The following GIT1 variants were observed in gnomAD, a reference collection of about 807,000 sequenced individuals.
The protein encoded by GIT1 is GIT ArfGAP 1.
In GIT1, 14 loss-of-function variants were observed where a neutral mutation model predicts 91.7. The ratio of observed to expected loss-of-function variants is 0.15; its 90% CI spans 0.10 to 0.24. The LOEUF (loss-of-function observed/expected upper bound fraction) is 0.24, where lower values mean the gene tolerates loss of function less well. Among genes scored for constraint, GIT1 ranks in the 10% least tolerant of loss-of-function variants. The pLI is 1.00. For synonymous variants in GIT1, 414 were observed against 418.2 expected (o/e 0.99, Z 0.12); for missense variants, 717 against 1,024.9 (o/e 0.70, Z 4.10).
chr17:29,586,324 T>G (rs2033593542), intron 1 of GIT1, among the ~76,000 whole-genome samples: 1 of 152,234 alleles, frequency 6.6e-6, no homozygotes. Context: ...TATTTTTATT[T>G]TTGCTTGTTT....
intron 9 of GIT1, 33 bp from the exon 10 acceptor site, chr17:29,577,775 G>T: frequency 1.5e-6 from 2 of 1,352,576 alleles, no homozygotes; most frequent in Non-Finnish European, 2.1e-6. Flanking sequence ...GATCAGCCAC[G>T]GTGGCCAGGC....
At position 29,583,034 on chromosome 17, in the gene GIT1, C is replaced by T; in HGVS notation, c.190G>A (p.Val64Met). Reference sequence around the variant, plus strand: ...GCCCCGTTGCTGGCAAGCGTGTGCACCATCTGCAGGGAAGAGATGCCAAGT... The same window carrying T: ...GCCCCGTTGCTGGCAAGCGTGTGCATCATCTGCAGGGAAGAGATGCCAAGT... ...SAWPPTLLQMVHTLASNGANS... is the reference protein window; with the variant it reads ...SAWPPTLLQMMHTLASNGANS... The change falls in exon 3 of 20, where the codon GTG becomes ATG. Residue 64 changes from valine to methionine, a missense_variant. By Grantham distance (21) the Val-to-Met change is conservative (BLOSUM62 1). Around this residue, in one of 3 missense-constraint regions of GIT1, gnomAD observed 271 missense variants for 451.6 expected, o/e 0.60. Coordinates refer to ENST00000225394, the MANE Select transcript of GIT1 (RefSeq NM_014030.4). The T allele has an allele frequency of 1.9e-6, 3 of 1,598,566 alleles. No homozygotes were observed. Among genetic ancestry groups the T allele is most frequent in the East Asian group, 2.2e-5 (1 of 44,820 alleles).
In GIT1 at chr17:29,575,229, G is replaced by T; in HGVS notation, c.2009+59C>A. 2 of 1,566,560 alleles carry T rather than the reference G, an allele frequency of 1.3e-6. No individual in the cohort carries two copies. The highest frequency in any genetic ancestry group is 1.7e-6 in the Non-Finnish European group (2 of 1,148,334). Reference sequence around the variant, plus strand: ...GAACCCAGGGCCCCTCATGCTCTCTGCAACACCCTAGAAGCCAACAGGAAC... The same window carrying T: ...GAACCCAGGGCCCCTCATGCTCTCTTCAACACCCTAGAAGCCAACAGGAAC... On this transcript the variant is annotated intron_variant, in intron 18 of 19. Transcript: ENST00000225394. This position sits in a 1 kb window ranked among gnomAD's most constrained non-coding sequence, Gnocchi z 5.5.
chr17:29,588,840 C>A (rs2033693789), intron 1 of GIT1, among the ~76,000 whole-genome samples: 1 of 152,224 alleles, frequency 6.6e-6, no homozygotes, highest in Non-Finnish European at 1.5e-5. Flanking sequence ...GCCCCACTGG[C>A]GCATCTGCCC....
chr17:29,576,537 C>G lies in GIT1; in HGVS notation c.1365G>C (p.Arg455=), dbSNP rs145208703. The change falls in exon 13 of 20, where the codon CGG becomes CGC. Residue 455 remains arginine (R), a synonymous_variant. Coordinates refer to ENST00000225394, the MANE Select transcript of GIT1 (RefSeq NM_014030.4). ...KVNSSLSDEL[R]RLQREIHKLQ... Reference sequence around the variant, plus strand: ...GCACCCTCACCTCTCGCTGCAGCCTCCGGAGCTCGTCGCTCAGGCTACTGT... The same window carrying G: ...GCACCCTCACCTCTCGCTGCAGCCTGCGGAGCTCGTCGCTCAGGCTACTGT... 1.5e-5 allele frequency: 24 copies of G among 1,613,840 alleles called. No homozygotes were observed. Among genetic ancestry groups the G allele is most frequent in the Non-Finnish European group, 1.9e-5 (23 of 1,180,026 alleles).
Position 29,581,468 on chromosome 17 carries a change from G to A in GIT1, c.719-88C>T. ...CCACCTCACTGCCATGAGCAGGGCTGGCACCCAGAAGTGTCAGGGGAAAGT... is the reference window on the plus strand; with the variant it reads ...CCACCTCACTGCCATGAGCAGGGCTAGCACCCAGAAGTGTCAGGGGAAAGT... On this transcript the variant is annotated intron_variant, in intron 6 of 19. Transcript: ENST00000225394. The surrounding 1 kb of genome is among the most constrained non-coding windows in gnomAD (Gnocchi z 4.8). 9.4e-7 allele frequency: 1 copy of A among 1,065,272 alleles called. No homozygotes were observed. Among genetic ancestry groups the A allele is most frequent in the South Asian group, 1.3e-5 (1 of 79,222 alleles). 66.0% of individuals were successfully genotyped at this position (1,065,272 alleles called of 1,614,324 possible).
In GIT1 at chr17:29,575,336, T is replaced by C. The variant is rs750419618; in HGVS notation, c.1961A>G (p.Lys654Arg). Residue 654 changes from lysine to arginine, a missense_variant, in exon 18 of 20, where the codon AAG becomes AGG. Lys to Arg is a conservative substitution (Grantham distance 26, BLOSUM62 2). Transcript: ENST00000225394. The surrounding 1 kb of genome is among the most constrained non-coding windows in gnomAD (Gnocchi z 5.5). ...TGCCCGCAACAGTTCCTGAATGTTC[T>C]TGGTGACCTGCTCTGTCTTCAAGAT... is the stretch of plus-strand genomic sequence containing the variant. The part of the protein sequence containing the change: ...DVILKTEQVT[K>R]NIQELLRAAQ... The C allele has an allele frequency of 1.2e-6, 2 of 1,613,688 alleles. No homozygotes were observed. The highest frequency in any genetic ancestry group is 2.2e-5 in the South Asian group (2 of 91,080).
rs2033382358 is a variant in GIT1 at position 29,581,198 on chromosome 17, G to A, written c.761+140C>T. 3 of 699,900 alleles carry A rather than the reference G, an allele frequency of 4.3e-6. No homozygotes were observed. Among genetic ancestry groups the A allele is most frequent in the South Asian group, 3.0e-5 (2 of 65,908 alleles). 43.4% of individuals were successfully genotyped at this position (699,900 alleles called of 1,614,324 possible). A position where few individuals can be genotyped will look rare whatever the true frequency, so the allele number is the denominator to read the frequency against. ...GCCTTGGGGCCCAGCATTAGGGACT[G>A]AGGACTAAGCTGTGCCTCTAGTCTC... On this transcript the variant is annotated intron_variant, in intron 7 of 19. Coordinates refer to ENST00000225394, the MANE Select transcript of GIT1 (RefSeq NM_014030.4). The surrounding 1 kb of genome is among the most constrained non-coding windows in gnomAD (Gnocchi z 4.8).
At chr17:29,580,761 C>G (rs1024970571) in intron 7 of GIT1, among the ~76,000 whole-genome samples, 1 of 151,634 alleles carries the variant, frequency 6.6e-6, no homozygotes, top group African/African-American at 2.4e-5. Flanking sequence ...CCGGAGGTAG[C>G]TTCTGTTTCT....
chr17:29,585,768 G>T (rs754331292), intron 1 of GIT1, among the ~76,000 whole-genome samples: 1 of 152,152 alleles, frequency 6.6e-6, no homozygotes, highest in Non-Finnish European at 1.5e-5. Context: ...GGATCCTTGC[G>T]TCAAGAAGCT....
chr17:29,577,066 G>A, intron 11 of GIT1, 70 bp from the exon 12 acceptor site: 1 of 1,606,224 alleles, frequency 6.2e-7, no homozygotes, highest in Non-Finnish European at 8.5e-7. Context: ...ACCACTGGCA[G>A]GGAGAGCCAT....
In GIT1 at chr17:29,576,973, T is replaced by C; in HGVS notation, c.1117A>G (p.Ser373Gly). 6.2e-7 allele frequency: 1 copy of C among 1,602,588 alleles called. No homozygotes were observed. Among genetic ancestry groups the C allele is most frequent in the Non-Finnish European group, 8.5e-7 (1 of 1,179,388 alleles). ...PTDNLELSLR[S>G]QSDLDDQHDY... ...TGTTGGTCGTCGAGGTCACTCTGGC[T>C]CCGCAGAGACAGCTCGAGGTTGTCT... is the stretch of plus-strand genomic sequence containing the variant. The change falls in exon 12 of 20, where the codon AGC (serine) becomes GGC (glycine). Residue 373 changes from serine (S) to glycine (G), a missense_variant. Ser to Gly is a moderately conservative substitution (Grantham distance 56). Transcript: ENST00000225394.
Position 29,575,932 on chromosome 17 carries a change from G to GTGCCCCAC in GIT1, c.1666-42_1666-35dup. On this transcript the variant is annotated intron_variant, in intron 15 of 19. Coordinates refer to ENST00000225394, the MANE Select transcript of GIT1 (RefSeq NM_014030.4). The surrounding 1 kb of genome is among the most constrained non-coding windows in gnomAD (Gnocchi z 5.5). ...CAGGGCAGCGCTGGATGGAGTCAGT[G>GTGCCCCAC]TGCCCCACTGCCCCCCTGCTCACCA... The GTGCCCCAC allele has an allele frequency of 1.3e-6, 2 of 1,563,610 alleles. No individual in the cohort carries two copies. Among genetic ancestry groups the GTGCCCCAC allele is most frequent in the Non-Finnish European group, 1.8e-6 (2 of 1,140,272 alleles).
At position 29,575,281 on chromosome 17, in the gene GIT1, T is replaced by A; in HGVS notation, c.2009+7A>T. On this transcript the variant is annotated splice_region_variant and intron_variant, in intron 18 of 19. Transcript: ENST00000225394. This position sits in a 1 kb window ranked among gnomAD's most constrained non-coding sequence, Gnocchi z 5.5. ...GCATCCCCCTCACCTCCCCCTCCAC[T>A]CAGTACCTGTCATGCTTGAACTCCT... 6.2e-7 allele frequency: 1 copy of A among 1,607,362 alleles called. No homozygotes were observed. The highest frequency in any genetic ancestry group is 8.5e-7 in the Non-Finnish European group (1 of 1,176,550).
chr17:29,575,797 G>A lies in GIT1; in HGVS notation c.1752+15C>T. On this transcript the variant is annotated intron_variant, in intron 16 of 19. Transcript: ENST00000225394. The surrounding 1 kb of genome is among the most constrained non-coding windows in gnomAD (Gnocchi z 5.5). ...CCCCCAGCCACCCTGTGGGCACTGGGCATGGAAACATTACCGTGTGGCGGC... is the reference window on the plus strand; with the variant it reads ...CCCCCAGCCACCCTGTGGGCACTGGACATGGAAACATTACCGTGTGGCGGC... The A allele has an allele frequency of 1.2e-6, 2 of 1,612,530 alleles. No individual in the cohort carries two copies. The highest frequency in any genetic ancestry group is 8.5e-7 in the Non-Finnish European group (1 of 1,178,894).
chr17:29,585,754 G>T (rs923494204), intron 1 of GIT1, among the ~76,000 whole-genome samples: 3 of 152,200 alleles, frequency 2.0e-5, no homozygotes, highest in African/African-American at 7.2e-5. Flanking sequence ...AGTTTAAGGT[G>T]AAGGGATCCT....
chr17:29,583,675 A>C (rs1598576980), intron 1 of GIT1, 59 bp from the exon 2 acceptor site: 1 of 1,523,448 alleles, frequency 6.6e-7, no homozygotes, highest in South Asian at 1.2e-5. Flanking sequence ...CCTCCTGAGC[A>C]CCTGCTCTGG....
At position 29,575,775 on chromosome 17, in the gene GIT1, C is replaced by T; in HGVS notation, c.1752+37G>A. On this transcript the variant is annotated intron_variant, in intron 16 of 19. Coordinates refer to ENST00000225394, the MANE Select transcript of GIT1 (RefSeq NM_014030.4). This position sits in a 1 kb window ranked among gnomAD's most constrained non-coding sequence, Gnocchi z 5.5. ...ACACTGCCCCTAGCCCACACGGCCC[C>T]CAGCCACCCTGTGGGCACTGGGCAT... 6.2e-7 allele frequency: 1 copy of T among 1,608,244 alleles called. No homozygotes were observed. The highest frequency in any genetic ancestry group is 8.5e-7 in the Non-Finnish European group (1 of 1,175,124).
Position 29,577,171 on chromosome 17 carries a change from CG to C in GIT1, c.1057del (p.Arg353GlyfsTer8). ...GCTCAGGCTCTTGCCCTGCTGTCTC[CG>C]CTTGGCCTCACTGAGAATGTCGATG... ...LIIDILSEAK[R>X]RQQGKSLSSP... On this transcript the variant is annotated frameshift_variant, in exon 11 of 20. Coordinates refer to ENST00000225394, the MANE Select transcript of GIT1 (RefSeq NM_014030.4). LOFTEE classifies it high-confidence loss of function. 6.2e-7 allele frequency: 1 copy of C among 1,613,968 alleles called. No individual in the cohort carries two copies.
Sources: allele counts gnomAD v4.1 joint callset (sites outside exome capture counted in the v4.1 genomes callset), GRCh38; gene constraint gnomAD v4.1.1; regional missense constraint gnomAD v4.1.1; non-coding constraint Gnocchi (gnomAD v3.1); transcripts MANE v1.5; gene names NCBI Gene and HGNC (gene_info 2026-07-23, HGNC 2026-07-21).